Variants in TAF1D observed in about 807,000 individuals in gnomAD.
TAF1D encodes TATA-box binding protein associated factor, RNA polymerase I subunit D.
Under a neutral mutation model 26.2 loss-of-function variants are expected in TAF1D, and 23 were observed. That is an observed-to-expected ratio of 0.88 (90% confidence interval 0.63 to 1.25). The LOEUF (loss-of-function observed/expected upper bound fraction) is 1.25. Among genes scored for constraint, TAF1D ranks in the 50% most tolerant of loss-of-function variants. TAF1D has a pLI of 0.00. For synonymous variants in TAF1D, 100 were observed against 105.6 expected (o/e 0.95, Z 0.33); for missense variants, 299 against 322.0 (o/e 0.93, Z 0.55).
Position 93,735,675 on chromosome 11 carries a change from A to T in TAF1D, c.*486T>A, listed in dbSNP as rs1241063892. The T allele has an allele frequency of 9.0e-6, 9 of 1,000,464 alleles. No individual in the cohort carries two copies. Among genetic ancestry groups the T allele is most frequent in the Non-Finnish European group, 7.2e-6 (6 of 838,912 alleles). 62.0% of individuals were successfully genotyped at this position (1,000,464 alleles called of 1,614,324 possible). On this transcript the variant is annotated 3_prime_UTR_variant, in exon 6 of 6. Transcript: ENST00000448108. The stretch of plus-strand genomic sequence containing the variant: ...CAGATCGAGACTCTGTCTAAAAAAA[A>T]TAGTATTAAAGATACTCTAAATTTG...
intron 4 of TAF1D, 64 bp from the exon 5 acceptor site, chr11:93,736,815 C>T (rs1940898300): frequency 6.7e-7 from 1 of 1,490,114 alleles, no homozygotes; most frequent in African/African-American, 1.4e-5. Context: ...GTTGTATATT[C>T]CACTCTGAAA....
chr11:93,739,915 A>G (rs973751828), intron 1 of TAF1D, among the ~76,000 whole-genome samples: 1 of 148,008 alleles, frequency 6.8e-6, no homozygotes, highest in African/African-American at 2.5e-5. Context: ...ATGAACTATC[A>G]TAATTCTTGT....
At chr11:93,736,795 G>T (rs1940893345) in intron 4 of TAF1D, 44 bp from the exon 5 acceptor site, 4 of 1,569,308 alleles carry the variant, frequency 2.5e-6, no homozygotes, top group Admixed American at 1.8e-5. Context: ...AATCTTCGAT[G>T]ACCTAATTAG....
Position 93,741,316 on chromosome 11 carries a change from A to AC in TAF1D, c.-28+5dup, listed in dbSNP as rs1565248389. ...CCCGGACGGCCTCGCCCTCTTAGCA[A>AC]CCTACCTAAAACGGCCTCGCAGTGG... is the stretch of plus-strand genomic sequence containing the variant. On this transcript the variant is annotated splice_donor_region_variant and intron_variant, in intron 1 of 5. Coordinates refer to ENST00000448108, the MANE Select transcript of TAF1D (RefSeq NM_024116.4). The AC allele has an allele frequency of 2.2e-6, 1 of 456,110 alleles. No individual in the cohort carries two copies. The highest frequency in any genetic ancestry group is 7.0e-5 in the East Asian group (1 of 14,342). 28.3% of individuals were successfully genotyped at this position (456,110 alleles called of 1,614,324 possible).
chr11:93,740,257 A>G (rs1379035918), intron 1 of TAF1D, among the ~76,000 whole-genome samples: 2 of 151,692 alleles, frequency 1.3e-5, no homozygotes, highest in African/African-American at 2.4e-5. Flanking sequence ...AGCCTCAGCA[A>G]CACAAGGAGA....
At chr11:93,733,799 C>T (rs1228483196), downstream of TAF1D, 1 of 234,768 alleles carries the variant, frequency 4.3e-6, no homozygotes, top group African/African-American at 2.3e-5. Context: ...CTGGGGACCA[C>T]AGGCACCACT....
intron 5 of TAF1D, 140 bp from the exon 6 acceptor site, chr11:93,736,444 A>G: frequency 7.0e-7 from 1 of 1,422,580 alleles, no homozygotes. Context: ...AACATTGCTT[A>G]TTTTTTCATT....
At chr11:93,730,300 T>C in exon 12 of TAF1D, 2 of 1,434,786 alleles carry the variant, frequency 1.4e-6, no homozygotes, top group African/African-American at 2.8e-5. Context: ...GGTTTTTTAA[T>C]TGTGTATATG....
rs565512834 is a variant in TAF1D, at chr11:93,739,572, G to A, written c.-27-241C>T. Among the ~76,000 whole-genome samples the A allele has an allele frequency of 6.0e-4, 91 of 152,164 alleles. 1 individual carries two copies. Among genetic ancestry groups the A allele is most frequent in the South Asian group, 2.5e-3 (12 of 4,822 alleles). On this transcript the variant is annotated intron_variant, in intron 1 of 5. Coordinates refer to ENST00000448108, the MANE Select transcript of TAF1D (RefSeq NM_024116.4). ...CGCAACAAGATTCCAAAAAAGTACC[G>A]TCCCTTCCAACAAAAGCATCTTTCA...
intron 1 of TAF1D, among the ~76,000 whole-genome samples, chr11:93,739,961 C>CAA (rs67574108): frequency 0.029 from 2,326 of 80,872 alleles, 43 homozygotes; most frequent in African/African-American, 0.057. Flanking sequence ...TACAACATAC[C>CAA]AAAAAAAAAA....
intron 2 of TAF1D, among the ~76,000 whole-genome samples, chr11:93,738,704 TAAA>T (rs1260512837): frequency 2.6e-5 from 4 of 152,132 alleles, no homozygotes; most frequent in Non-Finnish European, 5.9e-5. Flanking sequence ...CAGCTCTTAT[TAAA>T]GAGTTTTGTA....
downstream of TAF1D, chr11:93,732,271 C>T (rs1160420861): frequency 4.1e-6 from 2 of 489,004 alleles, no homozygotes; most frequent in Non-Finnish European, 8.2e-6. Flanking sequence ...TGGGGATCTA[C>T]CTGGTTCTCA....
At chr11:93,734,731 T>C (rs980575715), downstream of TAF1D, 1 of 1,286,322 alleles carries the variant, frequency 7.8e-7, no homozygotes, top group Non-Finnish European at 1.0e-6. Context: ...CTGCTGAGGA[T>C]TTCCCTCATA....
In TAF1D at chr11:93,736,130, A is replaced by T. The variant is rs1470267853; in HGVS notation, c.*31T>A. On this transcript the variant is annotated 3_prime_UTR_variant, in exon 6 of 6. Coordinates refer to ENST00000448108, the MANE Select transcript of TAF1D (RefSeq NM_024116.4). The stretch of plus-strand genomic sequence containing the variant: ...TCATTTCTATGAAGTCGTTTTTTCT[A>T]TATGCTTCACCTTTGACATTCATGA... 1.9e-6 allele frequency: 3 copies of T among 1,609,764 alleles called. No individual in the cohort carries two copies. The highest frequency in any genetic ancestry group is 3.4e-5 in the Admixed American group (2 of 59,158).
At position 93,738,350 on chromosome 11, in the gene TAF1D, A is replaced by G; in HGVS notation, c.218T>C (p.Ile73Thr). 1 of 1,613,606 alleles carries G rather than the reference A, an allele frequency of 6.2e-7. No homozygotes were observed. The change falls in exon 3 of 6, where the codon ATA becomes ACA. Residue 73 changes from isoleucine to threonine, a missense_variant. Coordinates refer to ENST00000448108, the MANE Select transcript of TAF1D (RefSeq NM_024116.4). ...DSSSDSSFEP[I>T]PLTIKAIFER... is the part of the protein sequence containing the mutation. ...AAAAATAGCTTTTATAGTCAATGGTATTGGTTCAAAAGATGAGTCACTTGA... is the reference window on the plus strand; with the variant it reads ...AAAAATAGCTTTTATAGTCAATGGTGTTGGTTCAAAAGATGAGTCACTTGA...
chr11:93,731,939 A>C, downstream of TAF1D: 2 of 463,884 alleles, frequency 4.3e-6, no homozygotes, highest in Middle Eastern at 7.7e-4. Context: ...ATTCCTTATT[A>C]AATGTTATTT....
chr11:93,741,421 C>A lies in TAF1D; in HGVS notation c.-127G>T, dbSNP rs748828563. ...TGGCCTGGTGTCCTAGAGCTCTGTA[C>A]ACACCACCCTCCCGACCTCAGCCCT... On this transcript the variant is annotated 5_prime_UTR_variant, in exon 1 of 6. Transcript: ENST00000448108. 2 of 455,972 alleles carry A rather than the reference C, an allele frequency of 4.4e-6. No homozygotes were observed. The highest frequency in any genetic ancestry group is 1.4e-4 in the East Asian group (2 of 14,360). The allele number at this position is 455,972 out of a possible 1,614,324, so 28.2% of individuals were successfully genotyped here.
At chr11:93,730,751 A>G (rs1223405964), downstream of TAF1D, 4 of 465,974 alleles carry the variant, frequency 8.6e-6, no homozygotes, top group Admixed American at 9.3e-5. Flanking sequence ...TTACATTTCC[A>G]GAGATGAGTG....
downstream of TAF1D, chr11:93,732,388 A>G (rs185245232): frequency 6.7e-4 from 347 of 519,106 alleles, no homozygotes; most frequent in South Asian, 8.4e-4. Flanking sequence ...TACCAGGTTT[A>G]ACAAGCACAA....
Sources: gnomAD v4.1 joint callset for allele counts (sites outside exome capture counted in the v4.1 genomes callset) on GRCh38, gnomAD v4.1.1 for gene constraint, MANE v1.5 for transcripts, NCBI Gene and HGNC (gene_info 2026-07-23, HGNC 2026-07-21) for gene names.